The following STRA8 variants were observed in gnomAD, a reference collection of about 807,000 sequenced individuals.
STRA8 encodes the protein stimulated by retinoic acid 8, also known as stimulated by retinoic acid gene 8 protein homolog.
Under a neutral mutation model 37.1 loss-of-function variants are expected in STRA8, and 18 were observed. The observed-to-expected ratio is 0.48, with a 90% confidence interval of 0.34 to 0.72. The LOEUF (loss-of-function observed/expected upper bound fraction) is 0.72, where lower values mean the gene tolerates loss of function less well. Ranked by LOEUF, STRA8 falls within the 30% of genes least tolerant of loss-of-function variation. STRA8 has a pLI of 0.01. For synonymous variants in STRA8, 168 were observed against 162.9 expected, an observed-to-expected ratio of 1.03 and a Z score of -0.24; for missense variants, 357 against 410.4, an observed-to-expected ratio of 0.87 and a Z score of 1.13.
At chr7:135,235,170 G>A (rs1031248247) in intron 1 of STRA8, among the ~76,000 whole-genome samples, 2 of 152,092 alleles carry the variant, frequency 1.3e-5, no homozygotes, top group African/African-American at 4.8e-5. Flanking sequence ...CTGTGCCTGG[G>A]CAGCAATACG....
Position 135,258,503 on chromosome 7 carries a change from G to C in STRA8, c.*11G>C. ...GATGAAGATTTGTAATGCAGAAGAGGAGCTGCGAGGGGAGGGACTGAATGA... is the reference window on the plus strand; with the variant it reads ...GATGAAGATTTGTAATGCAGAAGAGCAGCTGCGAGGGGAGGGACTGAATGA... On this transcript the variant is annotated 3_prime_UTR_variant, in exon 9 of 9. Transcript: ENST00000662584. 6.3e-7 allele frequency: 1 copy of C among 1,581,916 alleles called. No individual in the cohort carries two copies. Among genetic ancestry groups the C allele is most frequent in the Non-Finnish European group, 8.6e-7 (1 of 1,162,168 alleles).
chr7:135,236,902 A>G (rs1832386098), intron 1 of STRA8, among the ~76,000 whole-genome samples: 1 of 152,216 alleles, frequency 6.6e-6, no homozygotes, highest in African/African-American at 2.4e-5. Flanking sequence ...TGAGTTAATC[A>G]TCTATGTCTA....
intron 1 of STRA8, among the ~76,000 whole-genome samples, chr7:135,237,849 G>A (rs966262417): frequency 6.6e-6 from 1 of 151,616 alleles, no homozygotes; most frequent in Non-Finnish European, 1.5e-5. Flanking sequence ...CCGAGATCAC[G>A]CCACTGCACT....
chr7:135,247,480 T>C (rs1832578073), intron 6 of STRA8, among the ~76,000 whole-genome samples: 1 of 152,234 alleles, frequency 6.6e-6, no homozygotes, highest in Non-Finnish European at 1.5e-5. Context: ...TCTTTCTTCC[T>C]ACTCTACATC....
At chr7:135,249,351 A>G (rs1832607524) in intron 6 of STRA8, among the ~76,000 whole-genome samples, 2 of 152,190 alleles carry the variant, frequency 1.3e-5, no homozygotes, top group African/African-American at 4.8e-5. Flanking sequence ...TGGGAGGCCA[A>G]GGTGGGTGGA....
At chr7:135,248,608 G>A (rs1832598482) in intron 6 of STRA8, among the ~76,000 whole-genome samples, 1 of 152,186 alleles carries the variant, frequency 6.6e-6, no homozygotes, top group South Asian at 2.1e-4. Context: ...GTACTCAGGA[G>A]GCTGAGGCAG....
rs770603967 is a variant in STRA8 at position 135,238,960 on chromosome 7, C to G, written c.-6-1559C>G. 1.2e-3 allele frequency among the ~76,000 whole-genome samples: 185 copies of G among 152,294 alleles called. 1 individual carries two copies. Among genetic ancestry groups the G allele is most frequent in the Non-Finnish European group, 1.4e-3 (95 of 68,018 alleles). ...CAGATGTGACAGAGACATGCACGGACCAGCATGGGCAACCACAGCATCACT... is the reference window on the plus strand; with the variant it reads ...CAGATGTGACAGAGACATGCACGGAGCAGCATGGGCAACCACAGCATCACT... On this transcript the variant is annotated intron_variant, in intron 1 of 8. Coordinates refer to ENST00000662584, the MANE Select transcript of STRA8 (RefSeq NM_001394401.1).
At chr7:135,238,630 T>C (rs1277118426) in intron 1 of STRA8, among the ~76,000 whole-genome samples, 1 of 152,166 alleles carries the variant, frequency 6.6e-6, no homozygotes, top group East Asian at 1.9e-4. Context: ...CCGCTTCCCT[T>C]TTTCTGTATG....
Position 135,246,175 on chromosome 7 carries a change from T to C in STRA8, c.594-242T>C, listed in dbSNP as rs1016797791. 5.2e-6 allele frequency: 3 copies of C among 576,268 alleles called. No individual in the cohort carries two copies. The Admixed American group carries it at 9.2e-5, about 18-fold the overall frequency. The allele number at this position is 576,268 out of a possible 1,614,324, so 35.7% of individuals were successfully genotyped here. A position where few individuals can be genotyped will look rare whatever the true frequency, so the allele number is the denominator to read the frequency against. ...CTTCTGTCTAACACAGAAGGCTTCA[T>C]GGGGCAGGGACTGGGAGAACTTGGG... On this transcript the variant is annotated intron_variant, in intron 5 of 8. Coordinates refer to ENST00000662584, the MANE Select transcript of STRA8 (RefSeq NM_001394401.1). The surrounding 1 kb of genome is among the most constrained non-coding windows in gnomAD (Gnocchi z 5.4).
chr7:135,240,484 T>C, intron 1 of STRA8, 35 bp from the exon 2 acceptor site: 2 of 1,566,414 alleles, frequency 1.3e-6, no homozygotes, highest in South Asian at 1.2e-5. Context: ...TTTTATTATC[T>C]AGGGCAAAAA....
chr7:135,237,582 A>C lies in STRA8; in HGVS notation c.-6-2937A>C, dbSNP rs538301010. Among the ~76,000 whole-genome samples the C allele has an allele frequency of 2.0e-5, 3 of 152,256 alleles. No individual in the cohort carries two copies. In the South Asian group the frequency reaches 6.2e-4, roughly 32 times the overall value. On this transcript the variant is annotated intron_variant, in intron 1 of 8. Transcript: ENST00000662584. ...CACAGGTGCTGACGGGACAGACCCAAGTGTATTATTAGATAAAAAGAGCTC... is the reference window on the plus strand; with the variant it reads ...CACAGGTGCTGACGGGACAGACCCACGTGTATTATTAGATAAAAAGAGCTC...
At position 135,241,467 on chromosome 7, in the gene STRA8, C is replaced by G. The variant is rs142375398; in HGVS notation, c.192+751C>G. 1.9e-3 allele frequency among the ~76,000 whole-genome samples: 288 copies of G among 152,280 alleles called. 9 individuals are homozygous for G. In the East Asian group the frequency reaches 0.035, roughly 18 times the overall value. On this transcript the variant is annotated intron_variant, in intron 2 of 8. Transcript: ENST00000662584. ...CTCTGCCCCCAGCTGCTTTGGGGTC[C>G]CCCCTCCATGCCCACCCCACACTCT...
At chr7:135,243,487 A>C (rs1585472276) in intron 4 of STRA8, 77 bp downstream of exon 4, 197 of 1,351,612 alleles carry the variant, frequency 1.5e-4, no homozygotes, top group Non-Finnish European at 1.6e-4. Context: ...GTGGCAACTC[A>C]CCCTTCCTCT....
chr7:135,257,881 T>G (rs1254597440), intron 8 of STRA8, among the ~76,000 whole-genome samples: 1 of 152,246 alleles, frequency 6.6e-6, no homozygotes, highest in Admixed American at 6.5e-5. Context: ...GCAACTACAG[T>G]GACCAGTTTC....
rs139925086 is a variant in STRA8, at chr7:135,241,115, T to C, written c.192+399T>C. On this transcript the variant is annotated intron_variant, in intron 2 of 8. Coordinates refer to ENST00000662584, the MANE Select transcript of STRA8 (RefSeq NM_001394401.1). The stretch of plus-strand genomic sequence containing the variant: ...TATTGGGGATTGGGTCTCAACATAC[T>C]AAATTTTGGGGGGACACAAACATTC... 4.3e-4 allele frequency among the ~76,000 whole-genome samples: 65 copies of C among 152,186 alleles called. 3 individuals are homozygous for C. The highest frequency in any genetic ancestry group is 1.5e-3 in the African/African-American group (61 of 41,534).
chr7:135,254,366 T>G (rs939712126), intron 7 of STRA8, among the ~76,000 whole-genome samples: 64 of 152,320 alleles, frequency 4.2e-4, no homozygotes, highest in African/African-American at 1.3e-3. Flanking sequence ...GCCTGCTGAC[T>G]CACAGTGAGT....
intron 1 of STRA8, among the ~76,000 whole-genome samples, chr7:135,238,198 AG>A (rs969194358): frequency 1.3e-5 from 2 of 152,038 alleles, no homozygotes; most frequent in African/African-American, 4.8e-5. Flanking sequence ...CCCTGAGCCA[AG>A]GGGGGGCGGG....
At chr7:135,239,468 A>G (rs1177886613) in intron 1 of STRA8, among the ~76,000 whole-genome samples, 2 of 152,228 alleles carry the variant, frequency 1.3e-5, no homozygotes, top group East Asian at 1.9e-4. Flanking sequence ...TAGACCTAGC[A>G]GAAACCGCTC....
chr7:135,236,270 GTGTGTGTA>G (rs1372616659), intron 1 of STRA8, among the ~76,000 whole-genome samples: 1 of 142,020 alleles, frequency 7.0e-6, no homozygotes, highest in African/African-American at 2.6e-5. Flanking sequence ...ATATATATGT[GTGTGTGTA>G]TGTGTGTGTG....
Sources: gnomAD v4.1 joint callset for allele counts (sites outside exome capture counted in the v4.1 genomes callset) on GRCh38, gnomAD v4.1.1 for gene constraint, Gnocchi (gnomAD v3.1) non-coding constraint, MANE v1.5 for transcripts, NCBI Gene and HGNC (gene_info 2026-07-23, HGNC 2026-07-21) for gene names.